The following PARD3B variants were observed in gnomAD, a reference collection of about 807,000 sequenced individuals.
The protein encoded by PARD3B is partitioning defective 3 homolog B.
PARD3B carries 103 observed loss-of-function variants against 130.2 expected under a neutral mutation model. The ratio of observed to expected loss-of-function variants is 0.79; its 90% CI spans 0.67 to 0.93. PARD3B has a LOEUF of 0.93. Ranked by LOEUF, PARD3B falls within the 40% of genes least tolerant of loss-of-function variation. The pLI is 0.00. For synonymous variants in PARD3B, 583 were observed against 553.2 expected (o/e 1.05, Z -0.76); for missense variants, 1,609 against 1,499.2 (o/e 1.07, Z -1.21).
chr2:205,218,547 ATCAG>A (rs760794794), intron 15 of PARD3B, among the ~76,000 whole-genome samples: 3 of 152,324 alleles, frequency 2.0e-5, no homozygotes, highest in Non-Finnish European at 2.9e-5. Flanking sequence ...TGCTAAAAAA[ATCAG>A]TCAATCTATA....
At chr2:204,556,771 T>C (rs914688200) in intron 1 of PARD3B, among the ~76,000 whole-genome samples, 9 of 152,192 alleles carry the variant, frequency 5.9e-5, no homozygotes, top group African/African-American at 2.2e-4. Flanking sequence ...AAAATATGTG[T>C]ATAAACTTAA....
At chr2:205,483,071 T>C (rs2106295087) in intron 20 of PARD3B, among the ~76,000 whole-genome samples, 1 of 151,692 alleles carries the variant, frequency 6.6e-6, no homozygotes, top group East Asian at 2.0e-4. Flanking sequence ...TGTGTGTCCA[T>C]GGGCACATGC....
At chr2:205,216,424 G>T (rs2037913929) in intron 15 of PARD3B, among the ~76,000 whole-genome samples, 1 of 152,120 alleles carries the variant, frequency 6.6e-6, no homozygotes, top group Admixed American at 6.6e-5. Flanking sequence ...TCTCTTAGTG[G>T]AAGTTACGTG....
intron 1 of PARD3B, among the ~76,000 whole-genome samples, chr2:204,630,593 G>A (rs1292225306): frequency 6.6e-6 from 1 of 152,078 alleles, no homozygotes; most frequent in Non-Finnish European, 1.5e-5. Context: ...TTAGCGTATA[G>A]TTGCAATTTT....
intron 13 of PARD3B, among the ~76,000 whole-genome samples, chr2:205,185,128 A>G (rs574987716): frequency 6.6e-6 from 1 of 152,330 alleles, no homozygotes; most frequent in South Asian, 2.1e-4. Context: ...ATAGTACAGA[A>G]CAAACTGGAA....
At chr2:205,453,858 C>T (rs1048103624) in intron 20 of PARD3B, among the ~76,000 whole-genome samples, 11 of 152,132 alleles carry the variant, frequency 7.2e-5, no homozygotes, top group African/African-American at 2.7e-4. Flanking sequence ...ATGTGTATAG[C>T]TGAGTATTGG....
chr2:205,492,311 AC>A (rs895874549), intron 20 of PARD3B, among the ~76,000 whole-genome samples: 3 of 152,134 alleles, frequency 2.0e-5, no homozygotes, highest in Non-Finnish European at 2.9e-5. Flanking sequence ...AATATTATTC[AC>A]CCTTTCCCTA....
chr2:205,054,434 ATATTTTT>A (rs1282755538), intron 4 of PARD3B, among the ~76,000 whole-genome samples: 88 of 29,480 alleles, frequency 3.0e-3, no homozygotes, highest in African/African-American at 9.7e-3. Context: ...ATATATATAT[ATATTTTT>A]TTTTTTTTTT....
chr2:205,219,335 C>G (rs972380215), intron 15 of PARD3B, among the ~76,000 whole-genome samples: 5 of 152,100 alleles, frequency 3.3e-5, no homozygotes, highest in Non-Finnish European at 7.4e-5. Flanking sequence ...GTGTGAAGAA[C>G]TTTGTGCATC....
At chr2:205,055,790 G>C (rs1050378726) in intron 4 of PARD3B, among the ~76,000 whole-genome samples, 2 of 152,058 alleles carry the variant, frequency 1.3e-5, no homozygotes, top group African/African-American at 2.4e-5. Context: ...ATGCAGTGAG[G>C]TTATCTTTCC....
intron 10 of PARD3B, among the ~76,000 whole-genome samples, chr2:205,133,818 C>T (rs192888662): frequency 9.6e-4 from 146 of 152,260 alleles, no homozygotes; most frequent in African/African-American, 3.3e-3. Context: ...AGGTCCAACT[C>T]GATTGTGCTT....
In PARD3B at chr2:205,260,925, C is replaced by T. The variant is rs60475859; in HGVS notation, c.2185+15103C>T. Among the ~76,000 whole-genome samples the T allele has an allele frequency of 9.2e-3, 1,405 of 152,168 alleles. 19 individuals are homozygous for T. The highest frequency in any genetic ancestry group is 0.032 in the African/African-American group (1,340 of 41,496). On this transcript the variant is annotated intron_variant, in intron 16 of 22. Coordinates refer to ENST00000406610, the MANE Select transcript of PARD3B (RefSeq NM_001302769.2). ...TGCTTTTGACTTTGACTCCCAGATC[C>T]TCCAAGATACCACCATTGTGTCCCC...
chr2:204,594,252 G>A (rs1346028945), intron 1 of PARD3B, among the ~76,000 whole-genome samples: 1 of 152,132 alleles, frequency 6.6e-6, no homozygotes, highest in Admixed American at 6.5e-5. Context: ...GTGTTCCTGT[G>A]CATTTCAGTA....
intron 3 of PARD3B, among the ~76,000 whole-genome samples, chr2:204,990,360 C>A (rs999303337): frequency 1.3e-5 from 2 of 151,788 alleles, no homozygotes; most frequent in African/African-American, 4.8e-5. Flanking sequence ...GGATTATTAG[C>A]GTATCACCTC....
intron 11 of PARD3B, among the ~76,000 whole-genome samples, chr2:205,170,268 G>T (rs2035080274): frequency 6.6e-6 from 1 of 151,988 alleles, no homozygotes; most frequent in Non-Finnish European, 1.5e-5. Flanking sequence ...GCTTTTTTGT[G>T]CCTCACTCAA....
chr2:205,422,382 A>G (rs564866541), intron 19 of PARD3B, among the ~76,000 whole-genome samples: 177 of 152,352 alleles, frequency 1.2e-3, no homozygotes, highest in Non-Finnish European at 2.1e-3. Flanking sequence ...TGAAAGTGTT[A>G]TAAGCAGAGA....
At chr2:205,013,083 C>A (rs925560464) in intron 3 of PARD3B, among the ~76,000 whole-genome samples, 1 of 152,192 alleles carries the variant, frequency 6.6e-6, no homozygotes, top group East Asian at 1.9e-4. Flanking sequence ...CTGTCCCTAC[C>A]CATGCAAGCT....
At chr2:204,875,299 C>A (rs2045793257) in intron 2 of PARD3B, among the ~76,000 whole-genome samples, 1 of 152,130 alleles carries the variant, frequency 6.6e-6, no homozygotes, top group African/African-American at 2.4e-5. Context: ...TTTGTATATT[C>A]TTTATCAAAG....
intron 2 of PARD3B, among the ~76,000 whole-genome samples, chr2:204,871,041 C>G (rs954872558): frequency 2.6e-5 from 4 of 152,086 alleles, no homozygotes; most frequent in Non-Finnish European, 4.4e-5. Flanking sequence ...TATAATCATA[C>G]ATACATATAT....
Sources: allele counts gnomAD v4.1 joint callset (sites outside exome capture counted in the v4.1 genomes callset), GRCh38; gene constraint gnomAD v4.1.1; transcripts MANE v1.5; gene names NCBI Gene and HGNC (gene_info 2026-07-23, HGNC 2026-07-21).